The following ZDHHC17 variants were observed in gnomAD, a reference collection of about 807,000 sequenced individuals.
ZDHHC17 encodes the protein palmitoyltransferase ZDHHC17.
A neutral mutation model predicts 90.3 loss-of-function variants in ZDHHC17; 40 were observed. The ratio of observed to expected loss-of-function variants is 0.44; its 90% CI spans 0.34 to 0.58. The LOEUF (loss-of-function observed/expected upper bound fraction) is 0.58, where lower values mean the gene tolerates loss of function less well. Among genes scored for constraint, ZDHHC17 ranks in the 20% least tolerant of loss-of-function variants. The probability of loss-of-function intolerance (pLI) is 0.01; values close to 1 mark genes in which losing one functional copy is unlikely to be tolerated. For missense variants in ZDHHC17, 614 were observed against 780.8 expected (o/e 0.79, Z 2.55); for synonymous variants, 235 against 252.4 (o/e 0.93, Z 0.65).
intron 5 of ZDHHC17, among the ~76,000 whole-genome samples, chr12:76,812,694 C>G (rs1592482035): frequency 6.6e-6 from 1 of 152,034 alleles, no homozygotes; most frequent in African/African-American, 2.4e-5. Flanking sequence ...TCATTTCAAC[C>G]TTTTTCCATT....
intron 1 of ZDHHC17, among the ~76,000 whole-genome samples, chr12:76,768,352 A>G (rs1251443869): frequency 1.3e-5 from 2 of 152,328 alleles, no homozygotes; most frequent in African/African-American, 4.8e-5. Context: ...GCTAGACTAG[A>G]TGACCTCTAA....
intron 1 of ZDHHC17, among the ~76,000 whole-genome samples, chr12:76,768,478 AT>A (rs1323968933): frequency 2.0e-5 from 3 of 152,272 alleles, no homozygotes; most frequent in Non-Finnish European, 4.4e-5. Context: ...TTAAAATAAC[AT>A]AAAAAAGATA....
intron 2 of ZDHHC17, among the ~76,000 whole-genome samples, chr12:76,802,482 GT>G (rs1952902792): frequency 6.6e-6 from 1 of 152,176 alleles, no homozygotes; most frequent in Admixed American, 6.5e-5. Flanking sequence ...AATTTAGGAA[GT>G]TTTCAGCTAT....
At chr12:76,769,114 A>C (rs759425603) in intron 1 of ZDHHC17, 16 of 416,280 alleles carry the variant, frequency 3.8e-5, no homozygotes, top group South Asian at 1.8e-4. Flanking sequence ...GCTGAAGTGC[A>C]ATGACGTGAT....
At chr12:76,804,306 G>T (rs1444408286) in intron 2 of ZDHHC17, among the ~76,000 whole-genome samples, 3 of 152,174 alleles carry the variant, frequency 2.0e-5, no homozygotes, top group African/African-American at 7.2e-5. Context: ...TAACTTACCA[G>T]CAAAATAACC....
chr12:76,816,150 A>G, intron 7 of ZDHHC17, 131 bp downstream of exon 7: 1 of 574,336 alleles, frequency 1.7e-6, no homozygotes, highest in African/African-American at 1.9e-5. Flanking sequence ...GTTAAACCAC[A>G]TTATGCATAA....
intron 8 of ZDHHC17, 75 bp from the exon 9 acceptor site, chr12:76,826,833 A>G: frequency 7.0e-7 from 1 of 1,422,950 alleles, no homozygotes; most frequent in Non-Finnish European, 9.2e-7. Flanking sequence ...GCATGCCTTC[A>G]CAAAGGTAAC....
chr12:76,830,215 G>A (rs1171351058), intron 10 of ZDHHC17, among the ~76,000 whole-genome samples: 1 of 152,134 alleles, frequency 6.6e-6, no homozygotes, highest in Non-Finnish European at 1.5e-5. Context: ...AGCTTTTGGT[G>A]ACTTGTAACT....
In ZDHHC17 at chr12:76,850,833, G is replaced by T. The variant is rs936222184; in HGVS notation, c.1761-14G>T. 1 of 1,609,392 alleles carries T rather than the reference G, an allele frequency of 6.2e-7. No individual in the cohort carries two copies. Among genetic ancestry groups the T allele is most frequent in the Non-Finnish European group, 8.5e-7 (1 of 1,178,370 alleles). ...ACTGACTGACGTGTTTTCTTTTTGG[G>T]GTGCTGTTTTTAGCCATGGATGTGT... On this transcript the variant is annotated splice_polypyrimidine_tract_variant and intron_variant, in intron 16 of 16. Coordinates refer to ENST00000426126, the MANE Select transcript of ZDHHC17 (RefSeq NM_015336.4).
chr12:76,817,019 A>G lies in ZDHHC17; in HGVS notation c.771+1000A>G, dbSNP rs1953096725. ...AGGGAAAGAAGAAAGTCAGCATATC[A>G]TAGTGCCTGATAAGCGATGGGCACT... On this transcript the variant is annotated intron_variant, in intron 7 of 16. Coordinates refer to ENST00000426126, the MANE Select transcript of ZDHHC17 (RefSeq NM_015336.4). Among the ~76,000 whole-genome samples the G allele has an allele frequency of 2.0e-5, 3 of 152,056 alleles. No homozygotes were observed. In the South Asian group the frequency reaches 6.2e-4, roughly 31 times the overall value.
At chr12:76,776,627 G>A (rs1462901888) in intron 1 of ZDHHC17, among the ~76,000 whole-genome samples, 2 of 152,058 alleles carry the variant, frequency 1.3e-5, no homozygotes, top group African/African-American at 4.8e-5. Flanking sequence ...TTGTTCAATG[G>A]TGACCACCAC....
chr12:76,829,455 CAAAAAAAAAAAAAAAA>C (rs58051393), intron 10 of ZDHHC17, among the ~76,000 whole-genome samples: 1 of 71,904 alleles, frequency 1.4e-5, no homozygotes, highest in Non-Finnish European at 2.4e-5. Flanking sequence ...GACTATGTCT[CAAAAAAAAAAAAAAAA>C]AAAAAAAAAA....
Position 76,850,839 on chromosome 12 carries a change from G to GT in ZDHHC17, c.1761-3dup, listed in dbSNP as rs1565812830. Reference sequence around the variant, plus strand: ...TGACGTGTTTTCTTTTTGGGGTGCTGTTTTTAGCCATGGATGTGTAAGAAA... The same window carrying GT: ...TGACGTGTTTTCTTTTTGGGGTGCTGTTTTTTAGCCATGGATGTGTAAGAAA... On this transcript the variant is annotated splice_region_variant and splice_polypyrimidine_tract_variant and intron_variant, in intron 16 of 16. Coordinates refer to ENST00000426126, the MANE Select transcript of ZDHHC17 (RefSeq NM_015336.4). 1.2e-6 allele frequency: 2 copies of GT among 1,612,516 alleles called. No individual in the cohort carries two copies. The highest frequency in any genetic ancestry group is 1.7e-6 in the Non-Finnish European group (2 of 1,179,396).
intron 15 of ZDHHC17, 64 bp downstream of exon 15, chr12:76,848,454 T>G: frequency 2.0e-6 from 3 of 1,494,082 alleles, no homozygotes; most frequent in East Asian, 2.3e-5. Flanking sequence ...GCATAAAAGA[T>G]AATAATATAT....
chr12:76,811,895 G>C (rs891967519), intron 5 of ZDHHC17, among the ~76,000 whole-genome samples: 1 of 152,064 alleles, frequency 6.6e-6, no homozygotes, highest in African/African-American at 2.4e-5. Flanking sequence ...TTTTACCCCT[G>C]ACACCTTTGC....
chr12:76,845,498 G>C (rs963502066), intron 12 of ZDHHC17: 1 of 273,126 alleles, frequency 3.7e-6, no homozygotes, highest in African/African-American at 2.2e-5. Context: ...ATATTTTCTA[G>C]AGTAGCCTCA....
Position 76,849,304 on chromosome 12 carries a change from A to G in ZDHHC17, c.1666-72A>G, listed in dbSNP as rs1369562346. On this transcript the variant is annotated intron_variant, in intron 15 of 16. Transcript: ENST00000426126. ...TCGCCATTGCATTTTAGCCTGGGTG[A>G]CAGGGCAAGGTCCTGTCTCAAAAAA... is the stretch of plus-strand genomic sequence containing the variant. 1.2e-5 allele frequency: 9 copies of G among 729,934 alleles called. No individual in the cohort carries two copies. The African/African-American group carries it at 1.5e-4, about 12-fold the overall frequency. 45.2% of individuals were successfully genotyped at this position (729,934 alleles called of 1,614,324 possible). A position where few individuals can be genotyped will look rare whatever the true frequency, so the allele number is the denominator to read the frequency against.
At chr12:76,774,659 A>AC (rs1281206790) in intron 1 of ZDHHC17, among the ~76,000 whole-genome samples, 1 of 152,182 alleles carries the variant, frequency 6.6e-6, no homozygotes, top group Admixed American at 6.5e-5. Flanking sequence ...GCAGTTAGTA[A>AC]CCATATGATC....
At chr12:76,771,819 A>G (rs912886100) in intron 1 of ZDHHC17, among the ~76,000 whole-genome samples, 1 of 152,190 alleles carries the variant, frequency 6.6e-6, no homozygotes, top group Non-Finnish European at 1.5e-5. Flanking sequence ...GCAGATGTCA[A>G]CAATCTTGTC....
Sources: allele counts gnomAD v4.1 joint callset (sites outside exome capture counted in the v4.1 genomes callset), GRCh38; gene constraint gnomAD v4.1.1; transcripts MANE v1.5; gene names NCBI Gene and HGNC (gene_info 2026-07-23, HGNC 2026-07-21).